The following SFPQ variants were observed in gnomAD, a reference collection of about 807,000 sequenced individuals.
The protein encoded by SFPQ is splicing factor proline and glutamine rich.
In SFPQ, 11 loss-of-function variants were observed where a neutral mutation model predicts 72.9. The ratio of observed to expected loss-of-function variants is 0.15; its 90% confidence interval spans 0.09 to 0.25. The LOEUF (loss-of-function observed/expected upper bound fraction) is 0.25. SFPQ is among the 10% of genes least tolerant of loss of function. The pLI is 1.00. For missense variants in SFPQ, 847 were observed against 993.3 expected, an observed-to-expected ratio of 0.85 and a Z score of 1.98; for synonymous variants, 506 against 367.3, an observed-to-expected ratio of 1.38 and a Z score of -4.32.
chr1:35,182,301 G>A (rs975171956), downstream of SFPQ: 1 of 985,090 alleles, frequency 1.0e-6, no homozygotes, highest in Non-Finnish European at 1.2e-6. Context: ...CAAGACCCTT[G>A]TTTCCGTACA....
Position 35,192,968 on chromosome 1 carries a change from GGCCGCCGCGGCC to G in SFPQ, c.70_81del (p.Gly24_Gly27del). The G allele has an allele frequency of 6.4e-7, 1 of 1,570,580 alleles. No homozygotes were observed. Among genetic ancestry groups the G allele is most frequent in the Non-Finnish European group, 8.6e-7 (1 of 1,167,100 alleles). On this transcript the variant is annotated inframe_deletion, in exon 1 of 10. Coordinates refer to ENST00000357214, the MANE Select transcript of SFPQ (RefSeq NM_005066.3). The stretch of plus-strand genomic sequence containing the variant: ...GGCGGCGGAGAACGGAAGTCGTGGA[GGCCGCCGCGGCC>G]GCCGCCTCCTCCACGCCTGTGGAAG...
In SFPQ at chr1:35,193,091, G is replaced by A. The variant is rs1244600982; in HGVS notation, c.-42C>T. On this transcript the variant is annotated 5_prime_UTR_variant, in exon 1 of 10. Transcript: ENST00000357214. ...CGGTCGAGGCAAAAGCGAAGAAGAC[G>A]CTCAGGAAACGTGGAGGCCACCTTG... is the stretch of plus-strand genomic sequence containing the variant. The A allele has an allele frequency of 2.0e-6, 3 of 1,507,992 alleles. No individual in the cohort carries two copies. Among genetic ancestry groups the A allele is most frequent in the African/African-American group, 1.5e-5 (1 of 68,646 alleles). The allele number at this position is 1,507,992 out of a possible 1,614,324, so 93.4% of individuals were successfully genotyped here.
intron 9 of SFPQ, among the ~76,000 whole-genome samples, chr1:35,185,898 T>C (rs1375663906): frequency 3.9e-5 from 6 of 152,148 alleles, no homozygotes; most frequent in African/African-American, 1.4e-4. Context: ...ATCTAGAATA[T>C]AAACCTTTAA....
chr1:35,182,022 C>T, downstream of SFPQ: 2 of 985,336 alleles, frequency 2.0e-6, no homozygotes, highest in Non-Finnish European at 2.4e-6. Context: ...CATTAGCATC[C>T]TTCACCACTC....
At chr1:35,191,110 C>G in intron 2 of SFPQ, 115 bp from the exon 3 acceptor site, 1 of 993,078 alleles carries the variant, frequency 1.0e-6, no homozygotes, top group Non-Finnish European at 1.5e-6. Flanking sequence ...TCGACCATTA[C>G]CTTTAGGCAG....
At chr1:35,181,022 A>T (rs865780662), downstream of SFPQ, 2 of 1,065,098 alleles carry the variant, frequency 1.9e-6, no homozygotes, top group East Asian at 1.0e-4. Context: ...GCTTTACCAT[A>T]CAAGTGTTAG....
At chr1:35,187,866 A>G (rs1639800541) in intron 7 of SFPQ, 107 bp downstream of exon 7, 1 of 723,754 alleles carries the variant, frequency 1.4e-6, no homozygotes, top group African/African-American at 1.8e-5. Context: ...GTTAGAAAAA[A>G]AGCAGAAAAT....
At chr1:35,179,367 T>C (rs1174318413), downstream of SFPQ, 4 of 1,056,960 alleles carry the variant, frequency 3.8e-6, no homozygotes, top group East Asian at 5.2e-5. Flanking sequence ...AGAGCACCCA[T>C]TGCATTTCTT....
At position 35,184,413 on chromosome 1, in the gene SFPQ, CAAAAA is replaced by C. The variant is rs758604468; in HGVS notation, c.*38_*42del. 2.5e-6 allele frequency: 4 copies of C among 1,590,338 alleles called. No homozygotes were observed. In the South Asian group the frequency reaches 4.6e-5, roughly 18 times the overall value. ...AGAATTTAAAAGATTGGTATCTAAACAAAAAAACAAAACAAACTGGAATGAAAGCC... is the reference window on the plus strand; with the variant it reads ...AGAATTTAAAAGATTGGTATCTAAACAACAAAACAAACTGGAATGAAAGCC... On this transcript the variant is annotated 3_prime_UTR_variant, in exon 10 of 10. Transcript: ENST00000357214.
chr1:35,179,047 G>A, downstream of SFPQ: 1 of 1,059,028 alleles, frequency 9.4e-7, no homozygotes. Flanking sequence ...CAAATCCTCT[G>A]AATTCTTTCC....
chr1:35,179,466 T>C, downstream of SFPQ: 1 of 1,055,642 alleles, frequency 9.5e-7, no homozygotes, highest in Non-Finnish European at 1.1e-6. Flanking sequence ...CCAAGACTGT[T>C]CTCATTAAAA....
downstream of SFPQ, chr1:35,178,405 T>C (rs970093800): frequency 1.9e-6 from 2 of 1,066,540 alleles, no homozygotes; most frequent in East Asian, 5.1e-5. Flanking sequence ...TTTTTTCATA[T>C]GAAAGCACAT....
At chr1:35,182,237 T>TA, downstream of SFPQ, 1 of 985,396 alleles carries the variant, frequency 1.0e-6, no homozygotes, top group African/African-American at 1.7e-5. Context: ...TTCTTGTCTT[T>TA]AGTAGAGTCC....
Position 35,189,254 on chromosome 1 carries a change from G to C in SFPQ, c.1544C>G (p.Ala515Gly). The C allele has an allele frequency of 6.2e-7, 1 of 1,613,198 alleles. No homozygotes were observed. Among genetic ancestry groups the C allele is most frequent in the South Asian group, 1.1e-5 (1 of 91,070 alleles). Reference sequence around the variant, plus strand: ...CATTTCACTTTCCAATTTGTCTTTTGCATCTTTCATGTTTTTTTCAACTTG... The same window carrying C: ...CATTTCACTTTCCAATTTGTCTTTTCCATCTTTCATGTTTTTTTCAACTTG... ...REQVEKNMKD[A>G]KDKLESEMED... The change falls in exon 5 of 10, where the codon GCA (alanine) becomes GGA (glycine). Residue 515 changes from alanine to glycine, a missense_variant. Transcript: ENST00000357214.
At chr1:35,181,521 G>C (rs1455039955), downstream of SFPQ, 2 of 1,063,228 alleles carry the variant, frequency 1.9e-6, no homozygotes, top group Middle Eastern at 4.2e-4. Context: ...TCTAAGCAAA[G>C]AGGATTATGG....
chr1:35,184,346 C>G lies in SFPQ; in HGVS notation c.*110G>C. ...CATTTACAAATATTAGGTCAATAAA[C>G]TGCTAACATCCATAAAAAGATAGCT... On this transcript the variant is annotated 3_prime_UTR_variant, in exon 10 of 10. Transcript: ENST00000357214. 6.5e-7 allele frequency: 1 copy of G among 1,542,286 alleles called. No homozygotes were observed. The highest frequency in any genetic ancestry group is 2.4e-5 in the East Asian group (1 of 42,024).
At chr1:35,185,811 AAAAAAG>A (rs1024905783) in intron 9 of SFPQ, among the ~76,000 whole-genome samples, 10 of 152,178 alleles carry the variant, frequency 6.6e-5, no homozygotes, top group Admixed American at 3.3e-4. Flanking sequence ...AAGAACTTAA[AAAAAAG>A]AAAAAGTTGG....
At position 35,192,267 on chromosome 1, in the gene SFPQ, G is replaced by A. The variant is rs764316753; in HGVS notation, c.783C>T (p.Pro261=). ...YHQQHHQGPP[P]GGPGGRSEEK... is the part of the protein sequence containing the mutation. Reference sequence around the variant, plus strand: ...CCTCGCTGCGGCCGCCGGGCCCGCCGGGCGGGGGCCCCTGGTGATGCTGCT... The same window carrying A: ...CCTCGCTGCGGCCGCCGGGCCCGCCAGGCGGGGGCCCCTGGTGATGCTGCT... Residue 261 remains proline (P), a synonymous_variant, in exon 1 of 10, where the codon CCC becomes CCT. Coordinates refer to ENST00000357214, the MANE Select transcript of SFPQ (RefSeq NM_005066.3). 4.6e-5 allele frequency: 67 copies of A among 1,463,160 alleles called. 2 individuals carry two copies. The African/African-American group carries it at 4.7e-4, about 10-fold the overall frequency. The allele number at this position is 1,463,160 out of a possible 1,614,324, so 90.6% of individuals were successfully genotyped here.
At chr1:35,181,411 G>GT (rs1468472438), downstream of SFPQ, 8 of 1,063,974 alleles carry the variant, frequency 7.5e-6, no homozygotes, top group Middle Eastern at 8.4e-4. Context: ...TTGCACAGGC[G>GT]TAACATTACA....
Sources: gnomAD v4.1 joint callset for allele counts (sites outside exome capture counted in the v4.1 genomes callset) on GRCh38, gnomAD v4.1.1 for gene constraint, MANE v1.5 for transcripts, NCBI Gene and HGNC (gene_info 2026-07-23, HGNC 2026-07-21) for gene names.